The following RAB38 variants were observed in gnomAD, a reference collection of about 807,000 sequenced individuals.
RAB38 encodes RAB38, member RAS oncogene family.
RAB38 carries 15 observed loss-of-function variants against 18.4 expected under a neutral mutation model. That is an observed-to-expected ratio of 0.82 (90% confidence interval 0.55 to 1.26). RAB38 has a LOEUF of 1.26. RAB38 is among the 50% of genes most tolerant of loss of function. The pLI, the probability that RAB38 is intolerant of heterozygous loss-of-function variation, is 0.00. For synonymous variants in RAB38, 101 were observed against 104.4 expected (o/e 0.97, Z 0.20); for missense variants, 294 against 267.4 (o/e 1.10, Z -0.69).
chr11:88,005,916 T>C, the RAB38 span, among the ~76,000 whole-genome samples: 1 of 151,542 alleles, frequency 6.6e-6, no homozygotes, highest in Non-Finnish European at 1.5e-5. Context: ...CTATAGATGC[T>C]TGGGTTTAAT....
At chr11:88,003,880 A>ATAAAG in the RAB38 span, among the ~76,000 whole-genome samples, 3 of 16,734 alleles carry the variant, frequency 1.8e-4, no homozygotes, top group South Asian at 2.0e-3. Flanking sequence ...ATATATTTAT[A>ATAAAG]TATATAATTA....
chr11:87,887,224 C>T, the RAB38 span, among the ~76,000 whole-genome samples: 1 of 151,918 alleles, frequency 6.6e-6, no homozygotes, highest in East Asian at 2.0e-4. Flanking sequence ...TTATTTGAAA[C>T]TAAAACTCAG....
At chr11:87,883,084 A>G in the RAB38 span, among the ~76,000 whole-genome samples, 1 of 151,890 alleles carries the variant, frequency 6.6e-6, no homozygotes, top group Non-Finnish European at 1.5e-5. Flanking sequence ...GCTAAAGTAT[A>G]GAAATACTCT....
the RAB38 span, among the ~76,000 whole-genome samples, chr11:87,891,485 A>G: frequency 6.6e-6 from 1 of 151,800 alleles, no homozygotes; most frequent in East Asian, 2.0e-4. Flanking sequence ...GCAGGCTGAA[A>G]TGGGTTTTGC....
the RAB38 span, among the ~76,000 whole-genome samples, chr11:87,950,531 T>G: frequency 6.6e-6 from 1 of 152,204 alleles, no homozygotes; most frequent in African/African-American, 2.4e-5. Flanking sequence ...TACCAGTCGT[T>G]CCTTTCCATG....
At chr11:88,158,158 G>A (rs1028839256) in intron 1 of RAB38, among the ~76,000 whole-genome samples, 1 of 152,104 alleles carries the variant, frequency 6.6e-6, no homozygotes, top group Non-Finnish European at 1.5e-5. Flanking sequence ...ACACTTCTTT[G>A]CAAACACACT....
the RAB38 span, among the ~76,000 whole-genome samples, chr11:88,046,558 C>T: frequency 6.6e-6 from 1 of 152,198 alleles, no homozygotes; most frequent in Admixed American, 6.5e-5. Context: ...CAAGGCTACA[C>T]AGACAGCTCC....
the RAB38 span, among the ~76,000 whole-genome samples, chr11:88,028,071 G>C: frequency 6.6e-6 from 1 of 152,206 alleles, no homozygotes; most frequent in African/African-American, 2.4e-5. Flanking sequence ...CACGGTTCAA[G>C]AAAAACCACT....
the RAB38 span, among the ~76,000 whole-genome samples, chr11:87,863,224 G>A: frequency 6.6e-6 from 1 of 151,738 alleles, no homozygotes. Context: ...GTGACTTTAG[G>A]TAAATTATTT....
At chr11:87,839,625 C>T in the RAB38 span, among the ~76,000 whole-genome samples, 1 of 152,276 alleles carries the variant, frequency 6.6e-6, no homozygotes, top group East Asian at 1.9e-4. Flanking sequence ...ATCTATATTA[C>T]ATTTTTAACT....
the RAB38 span, among the ~76,000 whole-genome samples, chr11:87,896,158 CAG>C: frequency 2.0e-5 from 3 of 151,664 alleles, no homozygotes; most frequent in Non-Finnish European, 3.0e-5. Context: ...AGAAGTCAGA[CAG>C]AGCTGAATTA....
the RAB38 span, among the ~76,000 whole-genome samples, chr11:88,048,980 G>T: frequency 6.6e-6 from 1 of 152,034 alleles, no homozygotes; most frequent in Non-Finnish European, 1.5e-5. Context: ...ACCGCATCCA[G>T]GCCATCACCA....
the RAB38 span, among the ~76,000 whole-genome samples, chr11:87,884,200 G>GACAAA: frequency 6.6e-6 from 1 of 151,810 alleles, no homozygotes; most frequent in African/African-American, 2.4e-5. Context: ...TAACTAATGG[G>GACAAA]ACAAAACCCC....
At chr11:88,027,959 C>G in the RAB38 span, among the ~76,000 whole-genome samples, 64 of 152,334 alleles carry the variant, frequency 4.2e-4, no homozygotes, top group Non-Finnish European at 7.9e-4. Context: ...CCCTGAGCAG[C>G]CTAACTGGGA....
chr11:88,076,956 C>CAAAA, the RAB38 span, among the ~76,000 whole-genome samples: 11 of 42,894 alleles, frequency 2.6e-4, no homozygotes, highest in Non-Finnish European at 3.2e-4. Flanking sequence ...GAGACTCCAT[C>CAAAA]AAAAAAAAAA....
At chr11:87,865,657 G>A in the RAB38 span, among the ~76,000 whole-genome samples, 1 of 151,644 alleles carries the variant, frequency 6.6e-6, no homozygotes, top group South Asian at 2.1e-4. Flanking sequence ...GCTAATACAT[G>A]ATCAAGAAAG....
At chr11:88,036,144 G>A in the RAB38 span, among the ~76,000 whole-genome samples, 1 of 152,112 alleles carries the variant, frequency 6.6e-6, no homozygotes, top group Non-Finnish European at 1.5e-5. Context: ...TGGGAGTCCA[G>A]TTAAGCTGGA....
the RAB38 span, among the ~76,000 whole-genome samples, chr11:88,076,427 C>A: frequency 6.6e-6 from 1 of 151,986 alleles, no homozygotes; most frequent in South Asian, 2.1e-4. Flanking sequence ...CTGGCCAGAG[C>A]AACTAGTCAA....
the RAB38 span, among the ~76,000 whole-genome samples, chr11:87,868,899 G>C: frequency 6.6e-6 from 1 of 151,574 alleles, no homozygotes; most frequent in Non-Finnish European, 1.5e-5. Flanking sequence ...TCTGTATGCT[G>C]TCACCAATGT....
Sources: allele counts gnomAD v4.1 joint callset (sites outside exome capture counted in the v4.1 genomes callset), GRCh38; gene constraint gnomAD v4.1.1; transcripts MANE v1.5; gene names NCBI Gene and HGNC (gene_info 2026-07-23, HGNC 2026-07-21).